The following RRM1 variants were observed in gnomAD, a reference collection of about 807,000 sequenced individuals.
The protein encoded by RRM1 is ribonucleotide reductase catalytic subunit M1.
A neutral mutation model predicts 101.5 loss-of-function variants in RRM1; 19 were observed. That is an observed-to-expected ratio of 0.19 (90% CI 0.13 to 0.27). The LOEUF is 0.27. Among genes scored for constraint, RRM1 ranks in the 10% least tolerant of loss-of-function variants. RRM1 has a pLI of 1.00. For synonymous variants in RRM1, 298 were observed against 323.4 expected, an observed-to-expected ratio of 0.92 and a Z score of 0.84; for missense variants, 500 against 962.9, an observed-to-expected ratio of 0.52 and a Z score of 6.36.
At position 4,107,498 on chromosome 11, in the gene RRM1, C is replaced by T; in HGVS notation, c.350C>T (p.Ala117Val). ...AATGGCAAACACTCTCCCATGGTGG[C>T]CAAGTCAACATTGGATATTGTTCTG... ...PHNGKHSPMVAKSTLDIVLAN... is the reference protein window; with the variant it reads ...PHNGKHSPMVVKSTLDIVLAN... The change falls in exon 4 of 19, where the codon GCC (alanine) becomes GTC (valine). Residue 117 changes from alanine to valine, a missense_variant. By Grantham distance (64) the Ala-to-Val change is moderately conservative. This residue lies in a region of RRM1 where 41 missense variants were observed against 40.7 expected (regional missense o/e 1.01). Transcript: ENST00000300738. 1 of 1,613,456 alleles carries T rather than the reference C, an allele frequency of 6.2e-7. No homozygotes were observed. The highest frequency in any genetic ancestry group is 8.5e-7 in the Non-Finnish European group (1 of 1,179,472).
At chr11:4,106,735 G>A (rs1189047229) in intron 3 of RRM1, among the ~76,000 whole-genome samples, 1 of 152,066 alleles carries the variant, frequency 6.6e-6, no homozygotes, top group African/African-American at 2.4e-5. Flanking sequence ...GCAACAGAGT[G>A]AGACTCCGTC....
intron 14 of RRM1, 143 bp downstream of exon 14, chr11:4,127,399 A>T: frequency 1.9e-6 from 1 of 528,368 alleles, no homozygotes; most frequent in Non-Finnish European, 3.1e-6. Context: ...TATTTTGCAG[A>T]TGTAATTAAG....
At chr11:4,118,220 CTTT>C (rs34182882) in intron 7 of RRM1, 97 bp from the exon 8 acceptor site, 10,050 of 895,210 alleles carry the variant, frequency 0.011, no homozygotes, top group South Asian at 0.021. Context: ...AACTTCAACT[CTTT>C]TTTTTTTTTT....
chr11:4,100,248 T>C (rs1459493204), intron 1 of RRM1, among the ~76,000 whole-genome samples: 1 of 152,248 alleles, frequency 6.6e-6, no homozygotes, highest in African/African-American at 2.4e-5. Context: ...CTTGCCTTGT[T>C]CTAGGCACTA....
At chr11:4,128,004 G>A (rs2094592658) in intron 14 of RRM1, among the ~76,000 whole-genome samples, 1 of 152,140 alleles carries the variant, frequency 6.6e-6, no homozygotes, top group Non-Finnish European at 1.5e-5. Context: ...GTTGTTGGCA[G>A]AATATATTTC....
intron 9 of RRM1, among the ~76,000 whole-genome samples, chr11:4,120,367 T>A (rs575188250): frequency 6.6e-6 from 1 of 151,988 alleles, no homozygotes; most frequent in Non-Finnish European, 1.5e-5. Flanking sequence ...GTGCTCTAGG[T>A]TTTTCTTTCG....
chr11:4,095,292 A>G (rs945759827), intron 1 of RRM1, among the ~76,000 whole-genome samples: 2 of 151,914 alleles, frequency 1.3e-5, no homozygotes, highest in East Asian at 3.9e-4. Context: ...CCCCGTATCG[A>G]GTAGTGACTG....
intron 8 of RRM1, among the ~76,000 whole-genome samples, chr11:4,119,481 C>A (rs1375936369): frequency 6.6e-6 from 1 of 152,108 alleles, no homozygotes. Flanking sequence ...GGGAAAAAGG[C>A]ATTGTAGTAG....
chr11:4,107,811 C>G lies in RRM1; in HGVS notation c.387+276C>G, dbSNP rs114809757. 9.8e-3 allele frequency among the ~76,000 whole-genome samples: 1,498 copies of G among 152,202 alleles called. 26 individuals are homozygous for G. Among genetic ancestry groups the G allele is most frequent in the African/African-American group, 0.034 (1,423 of 41,530 alleles). ...ACTGTGCATACAGTTTTCATTGATA[C>G]TTTCTTCACTTGTAAGTATATCTTG... is the stretch of plus-strand genomic sequence containing the variant. On this transcript the variant is annotated intron_variant, in intron 4 of 18. Coordinates refer to ENST00000300738, the MANE Select transcript of RRM1 (RefSeq NM_001033.5).
chr11:4,094,868 G>A lies in RRM1; in HGVS notation c.-145G>A. ...TTGTTGCGCCTCTGCTCTGAAGAAA[G>A]TGCTGTCTGGCTCCAACTCCAGTTC... On this transcript the variant is annotated 5_prime_UTR_variant, in exon 1 of 19. It adds an upstream start codon to the 5' untranslated region. Coordinates refer to ENST00000300738, the MANE Select transcript of RRM1 (RefSeq NM_001033.5). 1.2e-6 allele frequency: 1 copy of A among 816,896 alleles called. No individual in the cohort carries two copies. 50.6% of individuals were successfully genotyped at this position (816,896 alleles called of 1,614,324 possible).
At chr11:4,094,690 G>A, upstream of RRM1, 1 of 470,100 alleles carries the variant, frequency 2.1e-6, no homozygotes, top group Non-Finnish European at 3.9e-6. Context: ...GTAGTCTTCT[G>A]GGTCTTGCCC....
chr11:4,121,772 G>T lies in RRM1; in HGVS notation c.1038+7G>T, dbSNP rs754787379. The T allele has an allele frequency of 1.5e-5, 24 of 1,588,650 alleles. No homozygotes were observed. The South Asian group carries it at 2.8e-4, about 18-fold the overall frequency. On this transcript the variant is annotated splice_region_variant and intron_variant, in intron 10 of 18. Transcript: ENST00000300738. ...ACGAGTGGAGACTAATCAGGTGAGA[G>T]ATAGGTACTTGTTGGTAATAGCAAC...
chr11:4,124,113 G>T (rs1216821007), intron 12 of RRM1, among the ~76,000 whole-genome samples: 1 of 152,202 alleles, frequency 6.6e-6, no homozygotes, highest in Non-Finnish European at 1.5e-5. Context: ...TGGAGAGATG[G>T]CTATGGCTGG....
rs890721877 is a variant in RRM1 at position 4,094,859 on chromosome 11, C to A, written c.-154C>A. 1 of 770,302 alleles carries A rather than the reference C, an allele frequency of 1.3e-6. No individual in the cohort carries two copies. The highest frequency in any genetic ancestry group is 2.2e-6 in the Non-Finnish European group (1 of 453,812). 47.7% of individuals were successfully genotyped at this position (770,302 alleles called of 1,614,324 possible). The stretch of plus-strand genomic sequence containing the variant: ...GGATTTGGATTGTTGCGCCTCTGCT[C>A]TGAAGAAAGTGCTGTCTGGCTCCAA... On this transcript the variant is annotated 5_prime_UTR_variant, in exon 1 of 19. It adds an upstream start codon to the 5' untranslated region. Coordinates refer to ENST00000300738, the MANE Select transcript of RRM1 (RefSeq NM_001033.5).
chr11:4,121,747 A>G lies in RRM1; in HGVS notation c.1020A>G (p.Lys340=). 1 of 1,610,786 alleles carries G rather than the reference A, an allele frequency of 6.2e-7. No individual in the cohort carries two copies. The highest frequency in any genetic ancestry group is 1.7e-5 in the Admixed American group (1 of 59,308). Residue 340 remains lysine (K), a synonymous_variant, in exon 10 of 19, where the codon AAA becomes AAG. Transcript: ENST00000300738. ...TTTGGATTCCGGATCTCTTCATGAA[A>G]CGAGTGGAGACTAATCAGGTGAGAG... is the stretch of plus-strand genomic sequence containing the variant. ...FALWIPDLFM[K]RVETNQDWSL... is the part of the protein sequence containing the mutation.
chr11:4,126,642 A>G, intron 12 of RRM1, 42 bp from the exon 13 acceptor site: 1 of 1,573,416 alleles, frequency 6.4e-7, no homozygotes, highest in Non-Finnish European at 8.6e-7. Context: ...AGGAAGTAGA[A>G]ATAAAAATTG....
At chr11:4,118,886 G>T (rs1398955568) in intron 8 of RRM1, among the ~76,000 whole-genome samples, 1 of 152,128 alleles carries the variant, frequency 6.6e-6, no homozygotes. Flanking sequence ...AGGTACCATT[G>T]TCTAATTTTA....
chr11:4,135,165 A>G lies in RRM1; in HGVS notation c.2085A>G (p.Ala695=). 1.9e-6 allele frequency: 3 copies of G among 1,613,750 alleles called. No homozygotes were observed. The highest frequency in any genetic ancestry group is 1.7e-6 in the Non-Finnish European group (2 of 1,179,736). Reference sequence around the variant, plus strand: ...CTCAGAAAACTGTTCTCAAGATGGCAGCTGAGAGAGGTGCTTTCATTGATC... The same window carrying G: ...CTCAGAAAACTGTTCTCAAGATGGCGGCTGAGAGAGGTGCTTTCATTGATC... ...EISQKTVLKM[A]AERGAFIDQS... is the part of the protein sequence containing the mutation. The change falls in exon 18 of 19, where the codon GCA becomes GCG. Residue 695 remains alanine, a synonymous_variant. Coordinates refer to ENST00000300738, the MANE Select transcript of RRM1 (RefSeq NM_001033.5).
At chr11:4,095,797 T>C (rs1437421394) in intron 1 of RRM1, among the ~76,000 whole-genome samples, 1 of 152,066 alleles carries the variant, frequency 6.6e-6, no homozygotes, top group African/African-American at 2.4e-5. Context: ...CTTGGCTTTG[T>C]GAGATTGTAG....
Sources: allele counts gnomAD v4.1 joint callset (sites outside exome capture counted in the v4.1 genomes callset), GRCh38; gene constraint gnomAD v4.1.1; regional missense constraint gnomAD v4.1.1; transcripts MANE v1.5; gene names NCBI Gene and HGNC (gene_info 2026-07-23, HGNC 2026-07-21).